The following THSD7A variants were observed in gnomAD, a reference collection of about 807,000 sequenced individuals.
THSD7A encodes the protein thrombospondin type-1 domain-containing protein 7A.
A neutral mutation model predicts 231.3 loss-of-function variants in THSD7A; 96 were observed. The observed-to-expected ratio is 0.41, with a 90% CI of 0.35 to 0.49. THSD7A has a LOEUF of 0.49. THSD7A is among the 20% of genes least tolerant of loss of function. THSD7A has a pLI of 0.05. For synonymous variants in THSD7A, 940 were observed against 743.3 expected (o/e 1.26, Z -4.30); for missense variants, 2,290 against 2,070.2 (o/e 1.11, Z -2.06).
In THSD7A at chr7:11,424,763, T is replaced by G. The variant is rs1350408726; in HGVS notation, c.3316A>C (p.Ile1106Leu). ...QYLWVTEPWS[I>L]CKVTFVNMRE... ...ATATTCACAAAGGTCACCTTGCAGA[T>G]GCTCCAGGGCTCTGTGACCCATAGG... The change falls in exon 16 of 28, where the codon ATC becomes CTC. Residue 1106 changes from isoleucine (I) to leucine (L), a missense_variant. Coordinates refer to ENST00000423059, the MANE Select transcript of THSD7A (RefSeq NM_015204.3). The G allele has an allele frequency of 1.9e-6, 3 of 1,613,916 alleles. No individual in the cohort carries two copies. Among genetic ancestry groups the G allele is most frequent in the Non-Finnish European group, 1.7e-6 (2 of 1,179,902 alleles).
chr7:11,722,519 C>T (rs1443770865), intron 1 of THSD7A, among the ~76,000 whole-genome samples: 1 of 151,842 alleles, frequency 6.6e-6, no homozygotes, highest in African/African-American at 2.4e-5. Flanking sequence ...CTGTGGCCCC[C>T]ACCCAGAGGC....
Position 11,677,089 on chromosome 7 carries a change from T to C in THSD7A, c.191-40128A>G, listed in dbSNP as rs543329311. On this transcript the variant is annotated intron_variant, in intron 1 of 27. Transcript: ENST00000423059. ...ATCTCTCTGCAGAAATCCTACAAGC[T>C]AGAAGAGAGTGGAGGCTAACATTCA... Among the ~76,000 whole-genome samples the C allele has an allele frequency of 2.2e-4, 34 of 152,102 alleles. 1 individual carries two copies. In the East Asian group the frequency reaches 6.6e-3, roughly 29 times the overall value.
chr7:11,420,951 C>T (rs368348783), intron 16 of THSD7A, among the ~76,000 whole-genome samples: 9 of 152,052 alleles, frequency 5.9e-5, no homozygotes, highest in Admixed American at 1.3e-4. Context: ...TTTGTTTTGG[C>T]GAATATCTCC....
intron 1 of THSD7A, among the ~76,000 whole-genome samples, chr7:11,756,788 G>A (rs561611012): frequency 2.0e-4 from 30 of 152,084 alleles, no homozygotes; most frequent in African/African-American, 7.2e-4. Flanking sequence ...GAAAGGAAAG[G>A]CAATAATCAA....
At chr7:11,686,975 A>G (rs1015005847) in intron 1 of THSD7A, among the ~76,000 whole-genome samples, 1 of 151,944 alleles carries the variant, frequency 6.6e-6, no homozygotes, top group African/African-American at 2.4e-5. Context: ...TAACATGAAA[A>G]TTGGGGAAAA....
chr7:11,408,231 G>A (rs1445275247), intron 19 of THSD7A, among the ~76,000 whole-genome samples: 2 of 152,096 alleles, frequency 1.3e-5, no homozygotes, highest in South Asian at 2.1e-4. Context: ...AATGTTGGCC[G>A]GGTGCGGTGG....
At chr7:11,425,654 A>C (rs1017690362) in intron 15 of THSD7A, among the ~76,000 whole-genome samples, 12 of 151,950 alleles carry the variant, frequency 7.9e-5, no homozygotes, top group Non-Finnish European at 1.3e-4. Context: ...CATTGCAACC[A>C]AGCTGACTCA....
chr7:11,641,248 G>A (rs1470941567), intron 1 of THSD7A, among the ~76,000 whole-genome samples: 1 of 152,002 alleles, frequency 6.6e-6, no homozygotes, highest in Non-Finnish European at 1.5e-5. Flanking sequence ...CTAATTTAAT[G>A]GAATAACCTG....
Position 11,832,007 on chromosome 7 carries a change from G to T in THSD7A, c.-61C>A. 1 of 1,116,926 alleles carries T rather than the reference G, an allele frequency of 9.0e-7. No individual in the cohort carries two copies. Among genetic ancestry groups the T allele is most frequent in the Non-Finnish European group, 1.1e-6 (1 of 888,640 alleles). 69.2% of individuals were successfully genotyped at this position (1,116,926 alleles called of 1,614,324 possible). On this transcript the variant is annotated 5_prime_UTR_variant, in exon 1 of 28. Transcript: ENST00000423059. ...CACGCTCGGCAGGGAATTTTTCTCC[G>T]CTCTTGGAACGTCTTTTCAAAGAGT...
At chr7:11,589,061 C>T (rs1780044340) in intron 4 of THSD7A, among the ~76,000 whole-genome samples, 1 of 152,100 alleles carries the variant, frequency 6.6e-6, no homozygotes, top group Admixed American at 6.6e-5. Context: ...GCAGAGAAGC[C>T]ATCTCTTCTT....
chr7:11,541,631 C>T lies in THSD7A; in HGVS notation c.1610G>A (p.Gly537Asp). 1 of 1,613,426 alleles carries T rather than the reference C, an allele frequency of 6.2e-7. No homozygotes were observed. The change falls in exon 6 of 28, where the codon GGC (glycine) becomes GAC (aspartate). Residue 537 changes from glycine to aspartate, a missense_variant and splice_region_variant. Physicochemically the swap from Gly to Asp is moderately conservative, Grantham distance 94. Coordinates refer to ENST00000423059, the MANE Select transcript of THSD7A (RefSeq NM_015204.3). ...AATGCGCCGCTTCCTCAGTTTGAAG[C>T]CTGAATTATGGGGGAAGGAAAAATC... ...ENCNDQQGKK[G>D]FKLRKRRITN...
At chr7:11,761,271 T>C (rs574141924) in intron 1 of THSD7A, among the ~76,000 whole-genome samples, 287 of 152,114 alleles carry the variant, frequency 1.9e-3, no homozygotes, top group African/African-American at 6.7e-3. Flanking sequence ...TAAAAATCAA[T>C]ACTTCTTCTG....
At chr7:11,768,521 C>G (rs1368026930) in intron 1 of THSD7A, among the ~76,000 whole-genome samples, 3 of 152,098 alleles carry the variant, frequency 2.0e-5, no homozygotes, top group Non-Finnish European at 2.9e-5. Context: ...TTCACCTTCC[C>G]CTTTCTAAGT....
At chr7:11,681,283 T>G (rs764403936) in intron 1 of THSD7A, among the ~76,000 whole-genome samples, 5 of 151,938 alleles carry the variant, frequency 3.3e-5, no homozygotes, top group Non-Finnish European at 7.4e-5. Context: ...CAAACCACCA[T>G]GTACATTCTA....
At chr7:11,663,042 AAGAG>A (rs1217609416) in intron 1 of THSD7A, among the ~76,000 whole-genome samples, 1 of 151,132 alleles carries the variant, frequency 6.6e-6, no homozygotes, top group Non-Finnish European at 1.5e-5. Context: ...AGAAAATAGA[AAGAG>A]AGAAATACTA....
intron 2 of THSD7A, among the ~76,000 whole-genome samples, chr7:11,612,377 A>T (rs1275248822): frequency 6.6e-6 from 1 of 152,182 alleles, no homozygotes; most frequent in African/African-American, 2.4e-5. Flanking sequence ...ACAAATAAAG[A>T]ATGCAGAAAC....
intron 1 of THSD7A, among the ~76,000 whole-genome samples, chr7:11,804,646 T>C (rs775631350): frequency 3.9e-5 from 6 of 152,220 alleles, no homozygotes; most frequent in Non-Finnish European, 7.3e-5. Context: ...TATGAAATCA[T>C]GTGACTTTCT....
intron 6 of THSD7A, among the ~76,000 whole-genome samples, chr7:11,494,617 G>C (rs748672430): frequency 6.6e-6 from 1 of 151,980 alleles, no homozygotes; most frequent in Non-Finnish European, 1.5e-5. Flanking sequence ...AATTCAAGTG[G>C]GAAGTAAAAT....
rs1215150163 is a variant in THSD7A at position 11,623,979 on chromosome 7, CT to C, written c.1022+12150del. Among the ~76,000 whole-genome samples the C allele has an allele frequency of 3.3e-4, 50 of 152,280 alleles. 1 individual carries two copies. In the Middle Eastern group the frequency reaches 0.01, roughly 31 times the overall value. On this transcript the variant is annotated intron_variant, in intron 2 of 27. Coordinates refer to ENST00000423059, the MANE Select transcript of THSD7A (RefSeq NM_015204.3). The stretch of plus-strand genomic sequence containing the variant: ...AGAAACAAAATAGGGCAGGCAACTT[CT>C]TTTCCTTCTGTTTCTAGTATTTGCC...
Sources: gnomAD v4.1 joint callset for allele counts (sites outside exome capture counted in the v4.1 genomes callset) on GRCh38, gnomAD v4.1.1 for gene constraint, MANE v1.5 for transcripts, NCBI Gene and HGNC (gene_info 2026-07-23, HGNC 2026-07-21) for gene names.